The following PAPSS1 variants were observed in gnomAD, a reference collection of about 807,000 sequenced individuals.
PAPSS1 encodes 3'-phosphoadenosine 5'-phosphosulfate synthase 1.
PAPSS1 carries 50 observed loss-of-function variants against 72.0 expected under a neutral mutation model. The observed-to-expected ratio is 0.69, with a 90% CI of 0.55 to 0.88. The LOEUF (loss-of-function observed/expected upper bound fraction) is 0.88, where lower values mean the gene tolerates loss of function less well. PAPSS1 is among the 40% of genes least tolerant of loss of function. The pLI, the probability that PAPSS1 is intolerant of heterozygous loss-of-function variation, is 0.00. For synonymous variants in PAPSS1, 261 were observed against 263.6 expected, an observed-to-expected ratio of 0.99 and a Z score of 0.09; for missense variants, 657 against 782.2, an observed-to-expected ratio of 0.84 and a Z score of 1.91.
chr4:107,686,069 G>T (rs918600217), intron 4 of PAPSS1, among the ~76,000 whole-genome samples: 2 of 152,184 alleles, frequency 1.3e-5, no homozygotes, highest in Admixed American at 1.3e-4. Flanking sequence ...CAAGTCAAGG[G>T]ATGTCTACAA....
chr4:107,687,975 CA>C (rs11305780), intron 3 of PAPSS1, among the ~76,000 whole-genome samples: 45,278 of 127,102 alleles, frequency 0.36, 7,382 homozygotes, highest in East Asian at 0.52. Flanking sequence ...CTTCATGTTT[CA>C]AAAAAAAAAA....
chr4:107,674,013 C>T (rs1395347918), intron 5 of PAPSS1, among the ~76,000 whole-genome samples: 2 of 151,980 alleles, frequency 1.3e-5, no homozygotes, highest in East Asian at 1.9e-4. Flanking sequence ...ATTTTGTCAC[C>T]ACCAGGCCTG....
intron 5 of PAPSS1, among the ~76,000 whole-genome samples, chr4:107,677,974 G>C (rs1466973042): frequency 6.6e-6 from 1 of 152,108 alleles, no homozygotes; most frequent in African/African-American, 2.4e-5. Flanking sequence ...CTCATAGGTG[G>C]GAATTGAACA....
At chr4:107,622,543 A>G (rs1440609736) in intron 11 of PAPSS1, among the ~76,000 whole-genome samples, 2 of 152,272 alleles carry the variant, frequency 1.3e-5, no homozygotes, top group African/African-American at 4.8e-5. Flanking sequence ...ATGAAAAGAT[A>G]AAACAAATAA....
At chr4:107,711,729 G>A (rs1723501434) in intron 1 of PAPSS1, among the ~76,000 whole-genome samples, 4 of 152,184 alleles carry the variant, frequency 2.6e-5, no homozygotes, top group Admixed American at 1.3e-4. Context: ...ATGAGAGACT[G>A]TAGAATACAA....
intron 3 of PAPSS1, among the ~76,000 whole-genome samples, chr4:107,693,006 G>C (rs1357525469): frequency 6.6e-6 from 1 of 152,088 alleles, no homozygotes; most frequent in East Asian, 1.9e-4. Flanking sequence ...TGGTTGGGGA[G>C]GGAGAACATC....
intron 11 of PAPSS1, among the ~76,000 whole-genome samples, chr4:107,620,677 A>G (rs1422459774): frequency 6.6e-6 from 1 of 152,182 alleles, no homozygotes; most frequent in Non-Finnish European, 1.5e-5. Flanking sequence ...CAGGGCAAAC[A>G]TCCTATAATG....
chr4:107,657,412 C>T (rs1472783023), intron 6 of PAPSS1, among the ~76,000 whole-genome samples: 1 of 152,132 alleles, frequency 6.6e-6, no homozygotes, highest in African/African-American at 2.4e-5. Flanking sequence ...GATAACCACT[C>T]TCCTTAACCA....
chr4:107,640,605 G>A (rs1326727164), intron 10 of PAPSS1, among the ~76,000 whole-genome samples: 1 of 152,048 alleles, frequency 6.6e-6, no homozygotes, highest in African/African-American at 2.4e-5. Flanking sequence ...CTGCAAATAA[G>A]TCAAACAAGT....
intron 2 of PAPSS1, among the ~76,000 whole-genome samples, chr4:107,699,557 T>G (rs770734807): frequency 2.0e-5 from 3 of 151,986 alleles, no homozygotes; most frequent in Non-Finnish European, 4.4e-5. Context: ...AAAACGAAAA[T>G]GGATCTGTCC....
chr4:107,682,794 A>T (rs1278461867), intron 4 of PAPSS1, among the ~76,000 whole-genome samples: 1 of 152,220 alleles, frequency 6.6e-6, no homozygotes, highest in East Asian at 1.9e-4. Context: ...GTACATTCAC[A>T]AGAATTATCT....
chr4:107,644,952 G>A lies in PAPSS1; in HGVS notation c.1356C>T (p.His452=), dbSNP rs935161439. The part of the protein sequence containing the change: ...RGYRRPVLLL[H]PLGGWTKDDD... ...CATCCTTTGTCCAGCCACCCAGAGG[G>A]TGGAGGAGGAGGACAGGGCGCCGGT... The change falls in exon 10 of 12, where the codon CAC becomes CAT. Residue 452 remains histidine (H), a synonymous_variant. Coordinates refer to ENST00000265174, the MANE Select transcript of PAPSS1 (RefSeq NM_005443.5). 6.2e-7 allele frequency: 1 copy of A among 1,613,876 alleles called. No homozygotes were observed. Among genetic ancestry groups the A allele is most frequent in the African/African-American group, 1.3e-5 (1 of 74,920 alleles).
At chr4:107,663,366 C>T (rs1369786912) in intron 5 of PAPSS1, among the ~76,000 whole-genome samples, 1 of 151,994 alleles carries the variant, frequency 6.6e-6, no homozygotes, top group African/African-American at 2.4e-5. Flanking sequence ...CGTGTCTCCC[C>T]AGTTGTTTAA....
intron 11 of PAPSS1, among the ~76,000 whole-genome samples, chr4:107,617,270 C>T (rs574247812): frequency 6.6e-6 from 1 of 151,076 alleles, no homozygotes; most frequent in East Asian, 1.9e-4. Flanking sequence ...TACCCCTCTG[C>T]CTGACCACTG....
intron 9 of PAPSS1, among the ~76,000 whole-genome samples, chr4:107,650,163 T>G (rs998348939): frequency 6.6e-6 from 1 of 152,218 alleles, no homozygotes; most frequent in Admixed American, 6.5e-5. Context: ...ATAAATTCCC[T>G]GCTTTCTCTC....
At chr4:107,659,170 G>A (rs1448411423) in intron 6 of PAPSS1, among the ~76,000 whole-genome samples, 1 of 152,124 alleles carries the variant, frequency 6.6e-6, no homozygotes, top group East Asian at 1.9e-4. Flanking sequence ...GCATGTCTTG[G>A]TTTCTGGTCA....
At chr4:107,626,020 TA>T (rs951973907) in intron 11 of PAPSS1, among the ~76,000 whole-genome samples, 11 of 147,194 alleles carry the variant, frequency 7.5e-5, no homozygotes, top group Non-Finnish European at 1.7e-4. Context: ...CTACTAAAAA[TA>T]AAAAAAAATA....
chr4:107,700,706 C>G (rs1723181920), intron 2 of PAPSS1, among the ~76,000 whole-genome samples: 1 of 152,182 alleles, frequency 6.6e-6, no homozygotes, highest in Non-Finnish European at 1.5e-5. Flanking sequence ...GCATGTGATG[C>G]CTTCTGCTGT....
intron 1 of PAPSS1, among the ~76,000 whole-genome samples, chr4:107,707,269 T>C (rs1723361817): frequency 6.6e-6 from 1 of 152,162 alleles, no homozygotes; most frequent in African/African-American, 2.4e-5. Context: ...GCTTGAAGCC[T>C]GTATCCACAG....
Sources: gnomAD v4.1 joint callset for allele counts (sites outside exome capture counted in the v4.1 genomes callset) on GRCh38, gnomAD v4.1.1 for gene constraint, MANE v1.5 for transcripts, NCBI Gene and HGNC (gene_info 2026-07-23, HGNC 2026-07-21) for gene names.